Variants in CEP128 observed in about 807,000 individuals in gnomAD.
The protein encoded by CEP128 is centrosomal protein 128kDa.
A neutral mutation model predicts 156.7 loss-of-function variants in CEP128; 132 were observed. That is an observed-to-expected ratio of 0.84 (90% CI 0.73 to 0.97). The LOEUF (loss-of-function observed/expected upper bound fraction) is 0.97, where lower values mean the gene tolerates loss of function less well. Among genes scored for constraint, CEP128 ranks in the 50% least tolerant of loss-of-function variants. The pLI, the probability that CEP128 is intolerant of heterozygous loss-of-function variation, is 0.00. For missense variants in CEP128, 1,252 were observed against 1,281.9 expected (o/e 0.98, Z 0.36); for synonymous variants, 469 against 448.9 (o/e 1.04, Z -0.57).
chr14:80,819,299 T>G (rs1474306069), intron 13 of CEP128, among the ~76,000 whole-genome samples: 1 of 134,420 alleles, frequency 7.4e-6, no homozygotes, highest in African/African-American at 2.9e-5. Flanking sequence ...CAGGCTGGAG[T>G]GCAGTGGCGC....
intron 13 of CEP128, among the ~76,000 whole-genome samples, chr14:80,803,941 T>G (rs1195522113): frequency 1.3e-5 from 2 of 152,134 alleles, no homozygotes; most frequent in Non-Finnish European, 2.9e-5. Flanking sequence ...CTAGCTAAAC[T>G]GTCAGTTATT....
At chr14:80,809,713 T>C (rs1884395862) in intron 13 of CEP128, among the ~76,000 whole-genome samples, 1 of 152,038 alleles carries the variant, frequency 6.6e-6, no homozygotes. Context: ...GGAAGATATA[T>C]TTGAGGTACA....
At chr14:80,793,221 T>C (rs774610175) in intron 13 of CEP128, 111 bp from the exon 14 acceptor site, 15 of 747,328 alleles carry the variant, frequency 2.0e-5, no homozygotes, top group Non-Finnish European at 3.0e-5. Context: ...TCATCTGTAT[T>C]AAAATTCATT....
intron 8 of CEP128, among the ~76,000 whole-genome samples, chr14:80,881,617 T>C (rs1188544698): frequency 6.6e-6 from 1 of 151,848 alleles, no homozygotes; most frequent in Non-Finnish European, 1.5e-5. Context: ...TAAAGACACA[T>C]CAAGAAAGGA....
intron 14 of CEP128, among the ~76,000 whole-genome samples, chr14:80,479,812 C>T (rs1057394289): frequency 2.0e-5 from 3 of 152,136 alleles, no homozygotes; most frequent in Admixed American, 1.3e-4. Flanking sequence ...GCCCCTTACA[C>T]GTATGAGCCT....
intron 2 of CEP128, chr14:80,955,590 G>A (rs1351315045): frequency 2.0e-6 from 3 of 1,485,614 alleles, no homozygotes; most frequent in Admixed American, 1.7e-5. Flanking sequence ...TCCCGCTCCC[G>A]GGTCTCCTTT....
At chr14:80,948,445 A>C (rs762735449) in intron 2 of CEP128, among the ~76,000 whole-genome samples, 6 of 152,228 alleles carry the variant, frequency 3.9e-5, no homozygotes, top group Non-Finnish European at 8.8e-5. Context: ...ATTTAGGTCA[A>C]AGTGAGCCAC....
chr14:80,873,659 C>T (rs1566685045), intron 8 of CEP128, among the ~76,000 whole-genome samples: 1 of 152,020 alleles, frequency 6.6e-6, no homozygotes, highest in Non-Finnish European at 1.5e-5. Context: ...TAGATCAAAT[C>T]CTGTTTAGAA....
At chr14:80,510,758 T>A (rs188311081) in intron 23 of CEP128, among the ~76,000 whole-genome samples, 1 of 152,022 alleles carries the variant, frequency 6.6e-6, no homozygotes, top group African/African-American at 2.4e-5. Flanking sequence ...TTTTATGGTG[T>A]TGAGATATGT....
intron 2 of CEP128, chr14:80,955,201 G>A: frequency 3.8e-6 from 1 of 265,160 alleles, no homozygotes; most frequent in Non-Finnish European, 7.4e-6. Flanking sequence ...ACTTTCTCTG[G>A]ATAAGGAGTG....
At chr14:80,682,508 A>C (rs772742084) in intron 19 of CEP128, among the ~76,000 whole-genome samples, 1 of 152,208 alleles carries the variant, frequency 6.6e-6, no homozygotes, top group Non-Finnish European at 1.5e-5. Flanking sequence ...AAAGTAAATA[A>C]CCTGAGAAAC....
intron 9 of CEP128, among the ~76,000 whole-genome samples, chr14:80,852,317 T>C (rs981855922): frequency 2.0e-5 from 3 of 151,826 alleles, no homozygotes; most frequent in African/African-American, 7.2e-5. Context: ...TAAATAAGTT[T>C]TGAGTTATAG....
chr14:80,628,352 G>T (rs1022485162), intron 19 of CEP128, among the ~76,000 whole-genome samples: 2 of 152,046 alleles, frequency 1.3e-5, no homozygotes, highest in African/African-American at 4.8e-5. Flanking sequence ...AGCTTGACTG[G>T]CATGTCTTTA....
chr14:80,871,314 G>C (rs1342051583), intron 8 of CEP128, among the ~76,000 whole-genome samples: 2 of 152,120 alleles, frequency 1.3e-5, no homozygotes, highest in African/African-American at 2.4e-5. Flanking sequence ...AACTTCATTG[G>C]ATGCCACTGC....
At chr14:80,567,297 G>GA (rs1890954626) in intron 20 of CEP128, among the ~76,000 whole-genome samples, 1 of 152,088 alleles carries the variant, frequency 6.6e-6, no homozygotes, top group African/African-American at 2.4e-5. Context: ...ATATTGAAGT[G>GA]GGGTATGTGT....
intron 19 of CEP128, among the ~76,000 whole-genome samples, chr14:80,685,319 C>T (rs1896483035): frequency 6.6e-6 from 1 of 151,712 alleles, no homozygotes; most frequent in Non-Finnish European, 1.5e-5. Flanking sequence ...AAGCTGAGAG[C>T]CAAATCAAGA....
chr14:80,816,620 C>A (rs1884873546), intron 13 of CEP128, among the ~76,000 whole-genome samples: 1 of 152,118 alleles, frequency 6.6e-6, no homozygotes, highest in African/African-American at 2.4e-5. Context: ...TGTGCAAGAT[C>A]GTGCTGAGAG....
At chr14:80,665,306 CT>C (rs1376834376) in intron 19 of CEP128, among the ~76,000 whole-genome samples, 2 of 151,888 alleles carry the variant, frequency 1.3e-5, no homozygotes, top group East Asian at 3.9e-4. Flanking sequence ...ACCCCCTAGG[CT>C]AAAGCAAAAC....
intron 2 of CEP128, among the ~76,000 whole-genome samples, chr14:80,939,159 C>T (rs116243452): frequency 0.013 from 1,917 of 152,328 alleles, 52 homozygotes; most frequent in African/African-American, 0.044. Context: ...GAAACAGGTA[C>T]ATCACTGTTG....
Sources: allele counts gnomAD v4.1 joint callset (sites outside exome capture counted in the v4.1 genomes callset), GRCh38; gene constraint gnomAD v4.1.1; transcripts MANE v1.5; gene names NCBI Gene and HGNC (gene_info 2026-07-23, HGNC 2026-07-21).